FRMD8: variants seen among roughly 807,000 people sequenced by gnomAD.
FRMD8 encodes FERM domain containing 8.
FRMD8 carries 37 observed loss-of-function variants against 54.2 expected under a neutral mutation model. The ratio of observed to expected loss-of-function variants is 0.68; its 90% CI spans 0.53 to 0.90. The LOEUF is 0.90. Ranked by LOEUF, FRMD8 falls within the 40% of genes least tolerant of loss-of-function variation. FRMD8 has a pLI of 0.00. For synonymous variants in FRMD8, 246 were observed against 286.9 expected (o/e 0.86, Z 1.44); for missense variants, 585 against 653.7 (o/e 0.89, Z 1.15).
Position 65,400,549 on chromosome 11 carries a change from C to T in FRMD8, c.928-175C>T, listed in dbSNP as rs750394236. Among the ~76,000 whole-genome samples, 1 of 152,224 alleles carries T rather than the reference C, an allele frequency of 6.6e-6. No individual in the cohort carries two copies. The highest frequency in any genetic ancestry group is 1.5e-5 in the Non-Finnish European group (1 of 68,034). On this transcript the variant is annotated intron_variant, in intron 8 of 10. Coordinates refer to ENST00000317568, the MANE Select transcript of FRMD8 (RefSeq NM_031904.5). The surrounding 1 kb of genome is among the most constrained non-coding windows in gnomAD (Gnocchi z 4.3). ...AGGGGATCTCAGCTTCCCTGGACCA[C>T]AGCCCCTGGCAGGCTCTGATGAAAG...
the FRMD8 span, among the ~76,000 whole-genome samples, chr11:65,368,598 C>T: frequency 6.6e-6 from 1 of 151,998 alleles, no homozygotes; most frequent in South Asian, 2.1e-4. Flanking sequence ...GAGTCTTGCT[C>T]TGTCGCCCAG....
chr11:65,397,131 G>A, intron 7 of FRMD8, 111 bp downstream of exon 7: 1 of 594,874 alleles, frequency 1.7e-6, no homozygotes, highest in Non-Finnish European at 2.7e-6. Context: ...GTGTCCCCAT[G>A]AAGTGGTGTC....
At chr11:65,391,011 C>CA (rs1855834496) in intron 3 of FRMD8, among the ~76,000 whole-genome samples, 1 of 152,262 alleles carries the variant, frequency 6.6e-6, no homozygotes, top group Admixed American at 6.5e-5. Flanking sequence ...TGGGCCCCCC[C>CA]AGAACCCTTT....
chr11:65,372,661 A>G, the FRMD8 span, among the ~76,000 whole-genome samples: 1 of 152,178 alleles, frequency 6.6e-6, no homozygotes, highest in Non-Finnish European at 1.5e-5. Flanking sequence ...CAAAGGGAAA[A>G]GGAGAACAGC....
At chr11:65,376,150 T>G in the FRMD8 span, 1 of 554,788 alleles carries the variant, frequency 1.8e-6, no homozygotes. Flanking sequence ...CCAGCTCACT[T>G]GTGCCTCATG....
rs1266188148 is a variant in FRMD8 at position 65,400,793 on chromosome 11, A to C, written c.997A>C (p.Ile333Leu). Residue 333 changes from isoleucine (I) to leucine (L), a missense_variant, in exon 9 of 11, where the codon ATC becomes CTC. By Grantham distance (5) the Ile-to-Leu change is conservative. Coordinates refer to ENST00000317568, the MANE Select transcript of FRMD8 (RefSeq NM_031904.5). The surrounding 1 kb of genome is among the most constrained non-coding windows in gnomAD (Gnocchi z 4.3). ...CACCTCCCCCGAGGAGGAGGAGCCCATCTTGTGGCTGGAGTTCGACGGGGA... is the reference window on the plus strand; with the variant it reads ...CACCTCCCCCGAGGAGGAGGAGCCCCTCTTGTGGCTGGAGTTCGACGGGGA... ...DHTSPEEEEPILWLEFDGDSE... is the reference protein window; with the variant it reads ...DHTSPEEEEPLLWLEFDGDSE... 6.2e-7 allele frequency: 1 copy of C among 1,612,914 alleles called. No individual in the cohort carries two copies.
chr11:65,380,732 G>A, the FRMD8 span: 1 of 556,538 alleles, frequency 1.8e-6, no homozygotes, highest in Non-Finnish European at 2.8e-6. Context: ...GCTGGTTCTG[G>A]AGTTTGGGGG....
At position 65,411,365 on chromosome 11, in the gene FRMD8, G is replaced by A. The variant is rs375005253; in HGVS notation, c.*5G>A. 5.5e-5 allele frequency: 85 copies of A among 1,554,440 alleles called. No individual in the cohort carries two copies. The highest frequency in any genetic ancestry group is 6.6e-5 in the Non-Finnish European group (76 of 1,144,546). ...GACAGCCTGGAGCAGGGCTGAGGAC[G>A]CTGCACCCGGCAGGAGGAGGGCGAC... On this transcript the variant is annotated 3_prime_UTR_variant, in exon 11 of 11. Coordinates refer to ENST00000317568, the MANE Select transcript of FRMD8 (RefSeq NM_031904.5).
At chr11:65,377,956 G>A in the FRMD8 span, 1 of 152,368 alleles carries the variant, frequency 6.6e-6, no homozygotes, top group Non-Finnish European at 1.5e-5. Flanking sequence ...GGCTGATGGC[G>A]ACGGGGGCTG....
intron 2 of FRMD8, among the ~76,000 whole-genome samples, chr11:65,388,794 T>C (rs952234135): frequency 6.6e-6 from 1 of 152,210 alleles, no homozygotes; most frequent in African/African-American, 2.4e-5. Context: ...TGCTTTAACC[T>C]GGGTGACCTA....
chr11:65,397,992 C>T (rs747008891), intron 7 of FRMD8, among the ~76,000 whole-genome samples: 1 of 151,628 alleles, frequency 6.6e-6, no homozygotes, highest in Non-Finnish European at 1.5e-5. Context: ...TTTCCTGCCT[C>T]AGCCTCCCAA....
At chr11:65,380,688 T>C in the FRMD8 span, 1 of 1,017,162 alleles carries the variant, frequency 9.8e-7, no homozygotes. Flanking sequence ...CCCCTCCACC[T>C]GCCCACTGCC....
At chr11:65,391,937 C>T (rs1339078423) in intron 3 of FRMD8, among the ~76,000 whole-genome samples, 7 of 152,220 alleles carry the variant, frequency 4.6e-5, no homozygotes, top group African/African-American at 1.7e-4. Context: ...AGTTTCCCTG[C>T]TGTAAAGTGG....
upstream of FRMD8, among the ~76,000 whole-genome samples, chr11:65,385,011 T>C (rs540364865): frequency 4.6e-5 from 7 of 152,146 alleles, no homozygotes; most frequent in Non-Finnish European, 7.4e-5. Flanking sequence ...CCTGGGCTTC[T>C]TTCTCTTTCC....
chr11:65,369,477 C>T, the FRMD8 span, among the ~76,000 whole-genome samples: 1 of 151,798 alleles, frequency 6.6e-6, no homozygotes, highest in Non-Finnish European at 1.5e-5. Flanking sequence ...GCCTGTAATT[C>T]CAGCACTTTG....
upstream of FRMD8, chr11:65,381,804 C>T (rs1490008377): frequency 2.3e-5 from 32 of 1,383,222 alleles, no homozygotes; most frequent in Admixed American, 5.0e-5. Context: ...GTGATCCTCC[C>T]GCCAGGCCGG....
At chr11:65,377,557 G>A in the FRMD8 span, 1 of 293,432 alleles carries the variant, frequency 3.4e-6, no homozygotes, top group Non-Finnish European at 5.1e-6. Flanking sequence ...GAGGCCCGGA[G>A]GGGCACAAGG....
chr11:65,376,553 C>T, the FRMD8 span: 1 of 1,614,164 alleles, frequency 6.2e-7, no homozygotes, highest in East Asian at 2.2e-5. Flanking sequence ...TCCAGCATCC[C>T]CTGGTACACT....
chr11:65,397,269 C>T (rs1483185488), intron 7 of FRMD8, among the ~76,000 whole-genome samples: 1 of 152,226 alleles, frequency 6.6e-6, no homozygotes, highest in Non-Finnish European at 1.5e-5. Flanking sequence ...CGTCACTGGC[C>T]CGGCCGACCT....
Sources: gnomAD v4.1 joint callset for allele counts (sites outside exome capture counted in the v4.1 genomes callset) on GRCh38, gnomAD v4.1.1 for gene constraint, Gnocchi (gnomAD v3.1) non-coding constraint, MANE v1.5 for transcripts, NCBI Gene and HGNC (gene_info 2026-07-23, HGNC 2026-07-21) for gene names.